Variants in FER observed in about 807,000 individuals in gnomAD.
The protein encoded by FER is tyrosine-protein kinase Fer.
In FER, 63 loss-of-function variants were observed where a neutral mutation model predicts 111.0. The observed-to-expected ratio is 0.57, with a 90% CI of 0.46 to 0.70. The LOEUF is 0.70. Ranked by LOEUF, FER falls within the 30% of genes least tolerant of loss-of-function variation. The probability of loss-of-function intolerance (pLI) is 0.00; values close to 1 mark genes in which losing one functional copy is unlikely to be tolerated. For missense variants in FER, 914 were observed against 954.0 expected (o/e 0.96, Z 0.55); for synonymous variants, 327 against 313.9 (o/e 1.04, Z -0.44).
At chr5:109,048,335 A>G (rs1193738483) in intron 16 of FER, among the ~76,000 whole-genome samples, 1 of 152,172 alleles carries the variant, frequency 6.6e-6, no homozygotes, top group Non-Finnish European at 1.5e-5. Flanking sequence ...TGTTAAGTAC[A>G]TTGTATGTTT....
chr5:108,767,077 G>A (rs1398195236), intron 1 of FER, among the ~76,000 whole-genome samples: 3 of 152,128 alleles, frequency 2.0e-5, no homozygotes, highest in Non-Finnish European at 2.9e-5. Flanking sequence ...GAGATGGGTG[G>A]TGGATCACCT....
chr5:108,996,630 T>G (rs1200388501), intron 13 of FER, among the ~76,000 whole-genome samples: 1 of 152,238 alleles, frequency 6.6e-6, no homozygotes, highest in Non-Finnish European at 1.5e-5. Context: ...ATATCTGTTT[T>G]AATACCAGTA....
chr5:108,842,291 A>G (rs921267861), intron 5 of FER: 5 of 152,216 alleles, frequency 3.3e-5, no homozygotes, highest in African/African-American at 1.2e-4. Flanking sequence ...AATTATATAA[A>G]AATAAAGAAT....
chr5:108,993,346 G>A (rs541102380), intron 13 of FER, among the ~76,000 whole-genome samples: 8 of 152,346 alleles, frequency 5.3e-5, no homozygotes, highest in South Asian at 2.1e-4. Flanking sequence ...AGACCAGCCC[G>A]GCCAACACAG....
intron 17 of FER, among the ~76,000 whole-genome samples, chr5:109,100,904 A>G (rs985656726): frequency 2.0e-5 from 3 of 151,966 alleles, no homozygotes; most frequent in East Asian, 1.9e-4. Context: ...ATGGAAAAGC[A>G]TAATAGTAAA....
At chr5:108,930,857 A>G (rs1158510367) in intron 10 of FER, among the ~76,000 whole-genome samples, 1 of 151,666 alleles carries the variant, frequency 6.6e-6, no homozygotes, top group African/African-American at 2.4e-5. Flanking sequence ...CAAGTGATCC[A>G]TCTGCCTTGG....
At chr5:109,100,598 G>T in intron 17 of FER, 79 bp downstream of exon 17, 2 of 1,376,434 alleles carry the variant, frequency 1.5e-6, no homozygotes, top group Non-Finnish European at 2.0e-6. Flanking sequence ...TACAATAGAA[G>T]TCATTTTCTT....
At chr5:108,774,016 G>T (rs1049444817) in intron 2 of FER, among the ~76,000 whole-genome samples, 2 of 151,886 alleles carry the variant, frequency 1.3e-5, no homozygotes, top group African/African-American at 4.8e-5. Flanking sequence ...GTGGTTTGCC[G>T]CACCTATTGA....
intron 3 of FER, among the ~76,000 whole-genome samples, chr5:108,821,711 A>G (rs1758862623): frequency 6.6e-6 from 1 of 151,554 alleles, no homozygotes. Flanking sequence ...TAAATTCTAT[A>G]ATATAATTAT....
rs1454450497 is a variant in FER, at chr5:109,195,720, T to C, written c.*8145T>C. The C allele has an allele frequency of 6.6e-6, 1 of 152,252 alleles. No individual in the cohort carries two copies. Among genetic ancestry groups the C allele is most frequent in the Admixed American group, 6.5e-5 (1 of 15,280 alleles). 9.4% of individuals were successfully genotyped at this position (152,252 alleles called of 1,614,324 possible). ...CTGTGACATGATCAGACTGTCAATGTGGACCAGTGGCCAGGAGCATATTTA... is the reference window on the plus strand; with the variant it reads ...CTGTGACATGATCAGACTGTCAATGCGGACCAGTGGCCAGGAGCATATTTA... On this transcript the variant is annotated 3_prime_UTR_variant, in exon 20 of 20. Coordinates refer to ENST00000281092, the MANE Select transcript of FER (RefSeq NM_005246.4).
chr5:108,990,059 C>T (rs1762994623), intron 13 of FER, among the ~76,000 whole-genome samples: 1 of 151,806 alleles, frequency 6.6e-6, no homozygotes, highest in South Asian at 2.1e-4. Flanking sequence ...TGATTTGGGA[C>T]ATGTGACACA....
At chr5:109,183,406 G>A (rs907446199) in intron 18 of FER, among the ~76,000 whole-genome samples, 23 of 151,998 alleles carry the variant, frequency 1.5e-4, no homozygotes, top group Non-Finnish European at 7.4e-5. Context: ...CCGCCACCAC[G>A]CCCAGCTAAT....
At position 109,012,941 on chromosome 5, in the gene FER, G is replaced by C. The variant is rs140355405; in HGVS notation, c.1657-24481G>C. Among the ~76,000 whole-genome samples the C allele has an allele frequency of 4.4e-4, 67 of 152,166 alleles. 1 individual carries two copies. Among genetic ancestry groups the C allele is most frequent in the African/African-American group, 1.5e-3 (62 of 41,534 alleles). Reference sequence around the variant, plus strand: ...GACATTGGAAGTAAAGATTCTCATTGAATATTTAACTCACTTATTTCTCCC... The same window carrying C: ...GACATTGGAAGTAAAGATTCTCATTCAATATTTAACTCACTTATTTCTCCC... On this transcript the variant is annotated intron_variant, in intron 13 of 19. Transcript: ENST00000281092.
At chr5:109,004,297 A>G (rs1231621133) in intron 13 of FER, among the ~76,000 whole-genome samples, 1 of 152,212 alleles carries the variant, frequency 6.6e-6, no homozygotes, top group African/African-American at 2.4e-5. Flanking sequence ...TACATCAGAG[A>G]TAACATTTCC....
At chr5:108,815,220 C>T (rs546823742) in intron 3 of FER, among the ~76,000 whole-genome samples, 60 of 152,126 alleles carry the variant, frequency 3.9e-4, no homozygotes, top group African/African-American at 1.4e-3. Flanking sequence ...GGTGTCTTCA[C>T]GCTGAATTTT....
At chr5:109,080,080 A>G (rs1175594623) in intron 16 of FER, among the ~76,000 whole-genome samples, 9 of 152,114 alleles carry the variant, frequency 5.9e-5, no homozygotes, top group African/African-American at 1.9e-4. Flanking sequence ...GTGTATCTAG[A>G]GTGAAAAAGA....
At chr5:108,969,698 A>C (rs879229225) in intron 13 of FER, among the ~76,000 whole-genome samples, 1 of 147,652 alleles carries the variant, frequency 6.8e-6, no homozygotes, top group Admixed American at 6.6e-5. Flanking sequence ...AGCAAATATA[A>C]ATTTTTAGGA....
chr5:108,768,383 G>A (rs1205008945), intron 2 of FER, 145 bp downstream of exon 2: 1 of 152,026 alleles, frequency 6.6e-6, no homozygotes, highest in African/African-American at 2.4e-5. Flanking sequence ...TTATATTTGT[G>A]TTTATTTATT....
chr5:108,842,783 C>G (rs1470352153), intron 5 of FER: 1 of 152,106 alleles, frequency 6.6e-6, no homozygotes, highest in East Asian at 1.9e-4. Context: ...AATCAGGGAA[C>G]ACTTCTACAC....
Sources: allele counts gnomAD v4.1 joint callset (sites outside exome capture counted in the v4.1 genomes callset), GRCh38; gene constraint gnomAD v4.1.1; transcripts MANE v1.5; gene names NCBI Gene and HGNC (gene_info 2026-07-23, HGNC 2026-07-21).